FMO1: variants seen among roughly 807,000 people sequenced by gnomAD.
FMO1 encodes flavin-containing monooxygenase 1.
Under a neutral mutation model 45.4 loss-of-function variants are expected in FMO1, and 36 were observed. The observed-to-expected ratio is 0.79, with a 90% CI of 0.61 to 1.05. The LOEUF (loss-of-function observed/expected upper bound fraction) is 1.05, where lower values mean the gene tolerates loss of function less well. FMO1 is among the 50% of genes least tolerant of loss of function. The pLI is 0.00. For synonymous variants in FMO1, 228 were observed against 227.2 expected, an observed-to-expected ratio of 1.00 and a Z score of -0.03; for missense variants, 615 against 640.3, an observed-to-expected ratio of 0.96 and a Z score of 0.43.
intron 4 of FMO1, among the ~76,000 whole-genome samples, chr1:171,277,854 A>G (rs1029665308): frequency 2.0e-5 from 3 of 151,980 alleles, no homozygotes; most frequent in African/African-American, 7.3e-5. Context: ...TTGTAATGCC[A>G]CTCCCCACAA....
chr1:171,257,051 T>A (rs1393029524), intron 1 of FMO1, among the ~76,000 whole-genome samples: 1 of 152,244 alleles, frequency 6.6e-6, no homozygotes, highest in African/African-American at 2.4e-5. Flanking sequence ...TTACAGCTAC[T>A]GAGCACTTAC....
intron 2 of FMO1, among the ~76,000 whole-genome samples, chr1:171,261,969 T>C (rs1267550285): frequency 6.6e-6 from 1 of 152,170 alleles, no homozygotes; most frequent in Non-Finnish European, 1.5e-5. Context: ...GCTGGACATG[T>C]GTGTGAAACA....
At chr1:171,265,425 A>G (rs570858150) in intron 2 of FMO1, among the ~76,000 whole-genome samples, 232 of 152,182 alleles carry the variant, frequency 1.5e-3, no homozygotes, top group Non-Finnish European at 2.7e-3. Context: ...AAGAAAAAAA[A>G]AAAGAATGCT....
At chr1:171,265,468 C>T (rs543950440) in intron 2 of FMO1, among the ~76,000 whole-genome samples, 2 of 147,926 alleles carry the variant, frequency 1.4e-5, no homozygotes, top group Non-Finnish European at 3.0e-5. Context: ...ACAAAAAATA[C>T]AAAATGTAAA....
chr1:171,259,031 T>C (rs1157343426), intron 2 of FMO1, among the ~76,000 whole-genome samples: 1 of 152,206 alleles, frequency 6.6e-6, no homozygotes, highest in African/African-American at 2.4e-5. Context: ...AGTTTCTATT[T>C]TCCCTCCTTT....
rs746306045 is a variant in FMO1 at position 171,280,952 on chromosome 1, A to G, written c.794A>G (p.Asn265Ser). 18 of 1,613,756 alleles carry G rather than the reference A, an allele frequency of 1.1e-5. No homozygotes were observed. The Admixed American group carries it at 1.7e-4, about 15-fold the overall frequency. ...GAGCGAAAGATAAACAACTGGCTCA[A>G]TCATGCAAATTACGGCTTAATACCA... ...LMERKINNWL[N>S]HANYGLIPED... The change falls in exon 6 of 9, where the codon AAT becomes AGT. Residue 265 changes from asparagine to serine, a missense_variant. Coordinates refer to ENST00000617670, the MANE Select transcript of FMO1 (RefSeq NM_001282693.2).
chr1:171,264,761 T>C (rs1394280153), intron 2 of FMO1, among the ~76,000 whole-genome samples: 1 of 151,694 alleles, frequency 6.6e-6, no homozygotes, highest in Non-Finnish European at 1.5e-5. Context: ...TAGCAGGGCG[T>C]GGTGGCCGGC....
chr1:171,264,791 CGGGA>C (rs940159604), intron 2 of FMO1, among the ~76,000 whole-genome samples: 1 of 151,866 alleles, frequency 6.6e-6, no homozygotes, highest in Admixed American at 6.6e-5. Context: ...CCCAACTACT[CGGGA>C]GGCCGAGGCA....
intron 3 of FMO1, chr1:171,271,366 A>C: frequency 8.0e-7 from 1 of 1,246,780 alleles, no homozygotes; most frequent in Non-Finnish European, 1.2e-6. Context: ...TTAGGTTTTC[A>C]CTTCTCTTTC....
intron 3 of FMO1, among the ~76,000 whole-genome samples, chr1:171,273,674 T>C (rs1398275726): frequency 1.3e-5 from 2 of 152,104 alleles, no homozygotes; most frequent in Non-Finnish European, 2.9e-5. Flanking sequence ...CTACCATGCC[T>C]GGCTATATTT....
At chr1:171,281,861 A>C in intron 6 of FMO1, 117 bp from the exon 7 acceptor site, 1 of 612,408 alleles carries the variant, frequency 1.6e-6, no homozygotes, top group Non-Finnish European at 2.9e-6. Flanking sequence ...CAAGACTTGC[A>C]GCAATTCTTG....
chr1:171,279,430 T>C (rs550965016), intron 5 of FMO1, among the ~76,000 whole-genome samples: 1 of 152,286 alleles, frequency 6.6e-6, no homozygotes, highest in South Asian at 2.1e-4. Flanking sequence ...TATCCTTGAC[T>C]GCACATGAGG....
intron 2 of FMO1, among the ~76,000 whole-genome samples, chr1:171,260,273 G>A (rs971807208): frequency 4.6e-5 from 7 of 152,140 alleles, no homozygotes; most frequent in African/African-American, 7.2e-5. Flanking sequence ...TGGTTGTCGC[G>A]TTTGTTTTGT....
chr1:171,266,018 C>A (rs1323865854), intron 2 of FMO1, among the ~76,000 whole-genome samples: 2 of 152,088 alleles, frequency 1.3e-5, no homozygotes, highest in African/African-American at 4.8e-5. Context: ...AGTCTTTTAT[C>A]CGTAGCCAGT....
At chr1:171,269,687 A>G (rs754499447) in intron 3 of FMO1, among the ~76,000 whole-genome samples, 26 of 152,172 alleles carry the variant, frequency 1.7e-4, no homozygotes, top group Non-Finnish European at 3.2e-4. Context: ...ATTGTTCCCT[A>G]AACTGCTAAG....
chr1:171,249,278 T>C (rs972126170), intron 1 of FMO1, among the ~76,000 whole-genome samples: 3 of 152,188 alleles, frequency 2.0e-5, no homozygotes, highest in African/African-American at 7.2e-5. Context: ...TTTTTAGATA[T>C]TCAGGTCTAT....
intron 1 of FMO1, among the ~76,000 whole-genome samples, chr1:171,250,786 T>A (rs1659850855): frequency 6.6e-6 from 1 of 152,210 alleles, no homozygotes; most frequent in Non-Finnish European, 1.5e-5. Flanking sequence ...CTTATTTTTA[T>A]CTCTTATTTA....
intron 2 of FMO1, among the ~76,000 whole-genome samples, chr1:171,266,503 C>G (rs1660624210): frequency 6.6e-6 from 1 of 152,162 alleles, no homozygotes; most frequent in Admixed American, 6.5e-5. Context: ...AGGTTGTAAT[C>G]AACTCTTATC....
chr1:171,255,008 C>T (rs1660090585), intron 1 of FMO1, among the ~76,000 whole-genome samples: 1 of 152,212 alleles, frequency 6.6e-6, no homozygotes, highest in Non-Finnish European at 1.5e-5. Context: ...TCTTCCTTTG[C>T]AATCCCAATA....
Sources: allele counts gnomAD v4.1 joint callset (sites outside exome capture counted in the v4.1 genomes callset), GRCh38; gene constraint gnomAD v4.1.1; transcripts MANE v1.5; gene names NCBI Gene and HGNC (gene_info 2026-07-23, HGNC 2026-07-21).